MARCHF6: variants seen among roughly 807,000 people sequenced by gnomAD.
MARCHF6 encodes the protein membrane associated ring-CH-type finger 6.
A neutral mutation model predicts 133.7 loss-of-function variants in MARCHF6; 31 were observed. The ratio of observed to expected loss-of-function variants is 0.23; its 90% CI spans 0.17 to 0.31. The LOEUF (loss-of-function observed/expected upper bound fraction) is 0.31, where lower values mean the gene tolerates loss of function less well. Ranked by LOEUF, MARCHF6 falls within the 10% of genes least tolerant of loss-of-function variation. The pLI is 1.00. For missense variants in MARCHF6, 723 were observed against 1,121.6 expected, an observed-to-expected ratio of 0.64 and a Z score of 5.08; for synonymous variants, 395 against 402.5, an observed-to-expected ratio of 0.98 and a Z score of 0.22.
At chr5:10,418,986 G>A (rs185702625) in intron 22 of MARCHF6, among the ~76,000 whole-genome samples, 83 of 152,310 alleles carry the variant, frequency 5.4e-4, no homozygotes, top group African/African-American at 1.6e-3. Context: ...AGAGAAGTGG[G>A]TAAGAAAGGA....
chr5:10,390,614 T>A, intron 6 of MARCHF6, 114 bp downstream of exon 6: 1 of 1,030,822 alleles, frequency 9.7e-7, no homozygotes, highest in Non-Finnish European at 1.4e-6. Flanking sequence ...CTTTTGTTAT[T>A]ACAAAGGAGG....
intron 10 of MARCHF6, among the ~76,000 whole-genome samples, chr5:10,397,938 A>C (rs1738287189): frequency 6.6e-6 from 1 of 152,246 alleles, no homozygotes; most frequent in Non-Finnish European, 1.5e-5. Context: ...GGCAAGGTTG[A>C]GGAGACACTG....
intron 1 of MARCHF6, 42 bp from the exon 2 acceptor site, chr5:10,377,756 G>A (rs765458932): frequency 7.7e-6 from 11 of 1,432,946 alleles, no homozygotes; most frequent in Non-Finnish European, 1.1e-5. Flanking sequence ...TTTTAAAAAA[G>A]TTATAACCAA....
chr5:10,399,319 TATAA>T (rs1226819596), intron 10 of MARCHF6, among the ~76,000 whole-genome samples: 1 of 151,872 alleles, frequency 6.6e-6, no homozygotes, highest in African/African-American at 2.4e-5. Context: ...ATATATAATT[TATAA>T]ATAAATTTAA....
chr5:10,411,001 A>T (rs1349582133), intron 18 of MARCHF6, among the ~76,000 whole-genome samples: 1 of 151,908 alleles, frequency 6.6e-6, no homozygotes, highest in East Asian at 2.0e-4. Flanking sequence ...TTGTGCTTGT[A>T]AGTACTTACC....
chr5:10,374,371 A>G (rs1736644601), intron 1 of MARCHF6, among the ~76,000 whole-genome samples: 1 of 152,162 alleles, frequency 6.6e-6, no homozygotes, highest in African/African-American at 2.4e-5. Flanking sequence ...CCATTGCAAG[A>G]AAGTCCATGC....
chr5:10,423,857 C>T, intron 23 of MARCHF6, 33 bp downstream of exon 23: 1 of 1,496,992 alleles, frequency 6.7e-7, no homozygotes, highest in Non-Finnish European at 9.3e-7. Flanking sequence ...GAAAGACATT[C>T]TGGAATTGGT....
chr5:10,381,276 G>C (rs546023270), intron 3 of MARCHF6, among the ~76,000 whole-genome samples: 27 of 152,308 alleles, frequency 1.8e-4, no homozygotes, highest in African/African-American at 5.8e-4. Flanking sequence ...GAAATTTTAA[G>C]TATTATGCTA....
intron 9 of MARCHF6, among the ~76,000 whole-genome samples, chr5:10,395,020 C>T (rs1410850215): frequency 1.3e-5 from 2 of 152,014 alleles, no homozygotes; most frequent in Non-Finnish European, 2.9e-5. Flanking sequence ...AGGATGGTCT[C>T]GATCTCCTGA....
In MARCHF6 at chr5:10,402,085, A is replaced by T; in HGVS notation, c.999A>T (p.Leu333=). ...EHVQASHFEG[L]ITTIVGYILL... ...TCCAAGCATCTCATTTTGAAGGCCTAATCACAACCATAGTTGGGTATATAC... is the reference window on the plus strand; with the variant it reads ...TCCAAGCATCTCATTTTGAAGGCCTTATCACAACCATAGTTGGGTATATAC... The change falls in exon 12 of 26, where the codon CTA becomes CTT. Residue 333 remains leucine, a synonymous_variant. Coordinates refer to ENST00000274140, the MANE Select transcript of MARCHF6 (RefSeq NM_005885.4). 6.2e-7 allele frequency: 1 copy of T among 1,610,252 alleles called. No homozygotes were observed. Among genetic ancestry groups the T allele is most frequent in the Non-Finnish European group, 8.5e-7 (1 of 1,176,816 alleles).
intron 1 of MARCHF6, among the ~76,000 whole-genome samples, chr5:10,355,765 A>C (rs906242856): frequency 6.6e-6 from 1 of 152,218 alleles, no homozygotes; most frequent in African/African-American, 2.4e-5. Context: ...TGATTAAGTA[A>C]CTTGTCCAGG....
At chr5:10,432,582 G>A (rs1399873625) in intron 25 of MARCHF6, among the ~76,000 whole-genome samples, 1 of 152,220 alleles carries the variant, frequency 6.6e-6, no homozygotes, top group Non-Finnish European at 1.5e-5. Flanking sequence ...GTGAGCCTTC[G>A]ATGCAGCTGT....
Position 10,434,509 on chromosome 5 carries a change from CCT to C in MARCHF6, c.*830_*831del, listed in dbSNP as rs1298386595. 7.0e-6 allele frequency: 1 copy of C among 142,544 alleles called. No individual in the cohort carries two copies. Among genetic ancestry groups the C allele is most frequent in the East Asian group, 2.1e-4 (1 of 4,848 alleles). 8.8% of individuals were successfully genotyped at this position (142,544 alleles called of 1,614,324 possible). A position where few individuals can be genotyped will look rare whatever the true frequency, so the allele number is the denominator to read the frequency against. On this transcript the variant is annotated 3_prime_UTR_variant, in exon 26 of 26. Coordinates refer to ENST00000274140, the MANE Select transcript of MARCHF6 (RefSeq NM_005885.4). ...GCCCGCCCCCACCCCACACCCACAT[CCT>C]CTCTTTTCCACACACAACTATCTGT...
At chr5:10,368,899 G>A (rs2126666316) in intron 1 of MARCHF6, among the ~76,000 whole-genome samples, 1 of 151,982 alleles carries the variant, frequency 6.6e-6, no homozygotes, top group South Asian at 2.1e-4. Context: ...AGTGAACTAT[G>A]GTTGTGCCAT....
chr5:10,428,598 G>A (rs1483543676), intron 24 of MARCHF6, among the ~76,000 whole-genome samples: 4 of 152,094 alleles, frequency 2.6e-5, no homozygotes, highest in South Asian at 2.1e-4. Context: ...CCCCTCGGCC[G>A]CCCAGAGTGC....
At position 10,405,560 on chromosome 5, in the gene MARCHF6, A is replaced by C; in HGVS notation, c.1335A>C (p.Val445=). Residue 445 remains valine (V), a splice_region_variant and synonymous_variant, in exon 16 of 26, where the codon GTA becomes GTC. Coordinates refer to ENST00000274140, the MANE Select transcript of MARCHF6 (RefSeq NM_005885.4). ...TAGTATTTAAAATATATTTGCAGGT[A>C]CTTCGACCTGGTGTCCTGTGGTTTC... The part of the protein sequence containing the change: ...FASFILLLRE[V]LRPGVLWFLR... The C allele has an allele frequency of 6.3e-7, 1 of 1,595,712 alleles. No individual in the cohort carries two copies. The highest frequency in any genetic ancestry group is 8.5e-7 in the Non-Finnish European group (1 of 1,174,450).
rs1579545259 is a variant in MARCHF6, at chr5:10,377,950, A to G, written c.116+56A>G. On this transcript the variant is annotated intron_variant, in intron 2 of 25. Transcript: ENST00000274140. ...TCTGAGCTTCAGTTTCGTCATGTAT[A>G]CAGTAACAGGGATCATTTCAATGTA... The G allele has an allele frequency of 4.2e-6, 4 of 953,116 alleles. No homozygotes were observed. In the East Asian group the frequency reaches 7.2e-5, roughly 17 times the overall value. 59.0% of individuals were successfully genotyped at this position (953,116 alleles called of 1,614,324 possible).
At chr5:10,403,344 A>T in intron 14 of MARCHF6, 63 bp from the exon 15 acceptor site, 1 of 1,518,294 alleles carries the variant, frequency 6.6e-7, no homozygotes, top group Admixed American at 2.1e-5. Context: ...CTAGAAGATG[A>T]AAATGTTAAC....
chr5:10,415,458 T>G, intron 20 of MARCHF6, 30 bp from the exon 21 acceptor site: 2 of 1,589,380 alleles, frequency 1.3e-6, no homozygotes, highest in Non-Finnish European at 1.7e-6. Flanking sequence ...CCTAGCCACA[T>G]GTCTCATTTA....
Sources: allele counts gnomAD v4.1 joint callset (sites outside exome capture counted in the v4.1 genomes callset), GRCh38; gene constraint gnomAD v4.1.1; transcripts MANE v1.5; gene names NCBI Gene and HGNC (gene_info 2026-07-23, HGNC 2026-07-21).